Variants in NEGR1 observed in about 807,000 individuals in gnomAD.
The protein encoded by NEGR1 is neuronal growth regulator 1.
In NEGR1, 10 loss-of-function variants were observed where a neutral mutation model predicts 40.9. The observed-to-expected ratio is 0.24, with a 90% CI of 0.15 to 0.42. The LOEUF is 0.42. NEGR1 is among the 10% of genes least tolerant of loss of function. The pLI is 1.00. For missense variants in NEGR1, 352 were observed against 438.9 expected (o/e 0.80, Z 1.77); for synonymous variants, 185 against 166.8 (o/e 1.11, Z -0.84).
intron 1 of NEGR1, among the ~76,000 whole-genome samples, chr1:72,079,412 A>G (rs1356533444): frequency 6.6e-6 from 1 of 152,032 alleles, no homozygotes; most frequent in Non-Finnish European, 1.5e-5. Context: ...AGTCCATAGG[A>G]AAATATTATG....
chr1:72,002,091 C>T (rs541585465), intron 1 of NEGR1, among the ~76,000 whole-genome samples: 38 of 151,782 alleles, frequency 2.5e-4, no homozygotes, highest in African/African-American at 8.5e-4. Context: ...GTTTAATATC[C>T]GTGTTTTTGT....
At chr1:72,195,936 G>A (rs1161752082) in intron 1 of NEGR1, among the ~76,000 whole-genome samples, 1 of 151,920 alleles carries the variant, frequency 6.6e-6, no homozygotes, top group East Asian at 1.9e-4. Context: ...CAACCCAAAG[G>A]CATTTTCTGC....
intron 2 of NEGR1, among the ~76,000 whole-genome samples, chr1:71,832,107 G>T (rs580626): frequency 0.035 from 5,275 of 151,944 alleles, 172 homozygotes; most frequent in African/African-American, 0.084. Flanking sequence ...CTAGATTAGT[G>T]AGAGAGTAAT....
chr1:71,409,352 A>C (rs1176080368), intron 6 of NEGR1, among the ~76,000 whole-genome samples: 1 of 152,092 alleles, frequency 6.6e-6, no homozygotes, highest in African/African-American at 2.4e-5. Context: ...TAAAGGACCA[A>C]AAATATGTAA....
chr1:71,746,506 T>C (rs1655387022), intron 3 of NEGR1, among the ~76,000 whole-genome samples: 1 of 152,176 alleles, frequency 6.6e-6, no homozygotes, highest in Non-Finnish European at 1.5e-5. Flanking sequence ...AAGTGCCAAT[T>C]ATCTTCAACT....
intron 1 of NEGR1, among the ~76,000 whole-genome samples, chr1:72,201,071 T>C (rs1653187491): frequency 6.6e-6 from 1 of 151,702 alleles, no homozygotes; most frequent in Non-Finnish European, 1.5e-5. Context: ...CACTTGAAAA[T>C]CTCTCTCATT....
At chr1:71,590,148 T>C (rs1300127506) in intron 6 of NEGR1, among the ~76,000 whole-genome samples, 1 of 152,126 alleles carries the variant, frequency 6.6e-6, no homozygotes, top group African/African-American at 2.4e-5. Flanking sequence ...TATTTTTCCC[T>C]GAGTCCTTGA....
intron 1 of NEGR1, among the ~76,000 whole-genome samples, chr1:71,998,862 GATAT>G (rs1169898261): frequency 6.6e-6 from 1 of 151,658 alleles, no homozygotes; most frequent in East Asian, 1.9e-4. Flanking sequence ...CTTGGGATAT[GATAT>G]ATAGTTACAT....
chr1:71,836,820 A>G (rs1210187023), intron 2 of NEGR1, among the ~76,000 whole-genome samples: 4 of 152,094 alleles, frequency 2.6e-5, no homozygotes, highest in Non-Finnish European at 5.9e-5. Context: ...GAAAAAGCAT[A>G]TGGCGAAGTC....
intron 1 of NEGR1, among the ~76,000 whole-genome samples, chr1:72,273,678 T>C (rs1332832877): frequency 1.3e-5 from 2 of 152,108 alleles, no homozygotes; most frequent in East Asian, 3.9e-4. Context: ...TTTTAGTACA[T>C]TTTATTTAAT....
chr1:72,255,885 G>A (rs1655257526), intron 1 of NEGR1, among the ~76,000 whole-genome samples: 1 of 152,078 alleles, frequency 6.6e-6, no homozygotes, highest in Non-Finnish European at 1.5e-5. Flanking sequence ...AGCTTACATG[G>A]AAATGTAGAA....
chr1:71,525,581 C>T (rs1180820403), intron 6 of NEGR1, among the ~76,000 whole-genome samples: 3 of 151,656 alleles, frequency 2.0e-5, no homozygotes, highest in African/African-American at 7.3e-5. Context: ...CTCACTCTTT[C>T]AGACACTGTA....
chr1:72,088,088 G>A (rs1648295911), intron 1 of NEGR1, among the ~76,000 whole-genome samples: 1 of 152,182 alleles, frequency 6.6e-6, no homozygotes, highest in African/African-American at 2.4e-5. Context: ...ACTCAGAACT[G>A]TTTTATGTAA....
intron 3 of NEGR1, among the ~76,000 whole-genome samples, chr1:71,754,326 T>C (rs1450365880): frequency 6.6e-6 from 1 of 152,236 alleles, no homozygotes; most frequent in East Asian, 1.9e-4. Context: ...CTACAATTGC[T>C]ACTATGTCCG....
At chr1:71,848,656 A>T (rs1459986038) in intron 2 of NEGR1, among the ~76,000 whole-genome samples, 1 of 152,238 alleles carries the variant, frequency 6.6e-6, no homozygotes, top group African/African-American at 2.4e-5. Context: ...GCTTTTTAAC[A>T]ATGTACCTGG....
intron 3 of NEGR1, among the ~76,000 whole-genome samples, chr1:71,722,820 A>C (rs537944216): frequency 6.6e-6 from 1 of 152,228 alleles, no homozygotes; most frequent in African/African-American, 2.4e-5. Flanking sequence ...GAATACACCC[A>C]TTGAATTATC....
intron 3 of NEGR1, among the ~76,000 whole-genome samples, chr1:71,768,917 C>A (rs1395668816): frequency 6.6e-6 from 1 of 152,030 alleles, no homozygotes; most frequent in Non-Finnish European, 1.5e-5. Flanking sequence ...CCCCCGACCC[C>A]CTTTCTCCTG....
At chr1:72,257,277 C>T (rs918844635) in intron 1 of NEGR1, among the ~76,000 whole-genome samples, 6 of 145,926 alleles carry the variant, frequency 4.1e-5, no homozygotes, top group East Asian at 4.0e-4. Context: ...AGCCGAGATC[C>T]CGCCACTGCA....
intron 1 of NEGR1, among the ~76,000 whole-genome samples, chr1:72,257,913 T>A (rs925471176): frequency 6.6e-6 from 1 of 152,204 alleles, no homozygotes; most frequent in South Asian, 2.1e-4. Context: ...AATAAATGCA[T>A]CTAAACTTCT....
Sources: allele counts gnomAD v4.1 joint callset (sites outside exome capture counted in the v4.1 genomes callset), GRCh38; gene constraint gnomAD v4.1.1; transcripts MANE v1.5; gene names NCBI Gene and HGNC (gene_info 2026-07-23, HGNC 2026-07-21).